ZNF679: variants seen among roughly 807,000 people sequenced by gnomAD.
ZNF679 encodes the protein hypothetical protein MGC42415.
In ZNF679, 10 loss-of-function variants were observed where a neutral mutation model predicts 13.4. That is an observed-to-expected ratio of 0.75 (90% CI 0.46 to 1.27). The LOEUF is 1.27. Ranked by LOEUF, ZNF679 falls within the 50% of genes most tolerant of loss-of-function variation. ZNF679 has a pLI of 0.00. For missense variants in ZNF679, 525 were observed against 477.8 expected, an observed-to-expected ratio of 1.10 and a Z score of -0.92; for synonymous variants, 179 against 162.5, an observed-to-expected ratio of 1.10 and a Z score of -0.77.
intron 1 of ZNF679, among the ~76,000 whole-genome samples, chr7:64,229,687 C>T (rs1787609950): frequency 6.6e-6 from 1 of 151,982 alleles, no homozygotes; most frequent in East Asian, 1.9e-4. Flanking sequence ...AAATGCAGAC[C>T]CTTACCTGTG....
chr7:64,249,371 G>C (rs761794865), intron 2 of ZNF679, among the ~76,000 whole-genome samples: 2 of 152,134 alleles, frequency 1.3e-5, no homozygotes, highest in Non-Finnish European at 2.9e-5. Flanking sequence ...CTTTGCAGTG[G>C]CTTTGCCCTG....
intron 1 of ZNF679, among the ~76,000 whole-genome samples, chr7:64,245,772 C>T (rs1787860799): frequency 6.6e-6 from 1 of 152,070 alleles, no homozygotes; most frequent in Non-Finnish European, 1.5e-5. Context: ...CTCGGGAGGC[C>T]GAGGTGGTGG....
At chr7:64,229,966 A>G (rs1333080826) in intron 1 of ZNF679, among the ~76,000 whole-genome samples, 1 of 152,214 alleles carries the variant, frequency 6.6e-6, no homozygotes, top group Non-Finnish European at 1.5e-5. Flanking sequence ...ATAAGAGGAT[A>G]GTCACATCGC....
At chr7:64,260,374 CTAATATA>C (rs771930577) in intron 3 of ZNF679, 27 bp downstream of exon 3, 4 of 1,577,578 alleles carry the variant, frequency 2.5e-6, no homozygotes, top group Non-Finnish European at 3.4e-6. Flanking sequence ...TACACAATTC[CTAATATA>C]TTTCTTTTCT....
chr7:64,249,744 A>T (rs943378877), intron 2 of ZNF679, among the ~76,000 whole-genome samples: 2 of 152,184 alleles, frequency 1.3e-5, no homozygotes, highest in Admixed American at 6.5e-5. Context: ...TATTTGTAAG[A>T]TCCAGGTGAA....
At chr7:64,240,406 G>A (rs1787782795) in intron 1 of ZNF679, among the ~76,000 whole-genome samples, 1 of 152,128 alleles carries the variant, frequency 6.6e-6, no homozygotes, top group Non-Finnish European at 1.5e-5. Flanking sequence ...TTTTAACTCT[G>A]ATATCTAGGC....
chr7:64,236,921 AGAAG>A (rs1562840168), intron 1 of ZNF679, among the ~76,000 whole-genome samples: 34 of 112,060 alleles, frequency 3.0e-4, no homozygotes, highest in African/African-American at 1.1e-3. Flanking sequence ...AAAGAAAGAA[AGAAG>A]AAAGAAAGAA....
chr7:64,246,102 C>T (rs1787865941), intron 1 of ZNF679, among the ~76,000 whole-genome samples: 1 of 152,196 alleles, frequency 6.6e-6, no homozygotes, highest in Admixed American at 6.5e-5. Context: ...AGGGGCCTCT[C>T]ACCCCCTAAA....
chr7:64,266,583 T>C lies in ZNF679; in HGVS notation c.950T>C (p.Ile317Thr), dbSNP rs768606962. 1 of 1,604,842 alleles carries C rather than the reference T, an allele frequency of 6.2e-7. No homozygotes were observed. The highest frequency in any genetic ancestry group is 8.5e-7 in the Non-Finnish European group (1 of 1,171,954). ...TCATCCCTCACTTACCACAAGAGAATTCATACTGGAGAGAAACCCTACACA... is the reference window on the plus strand; with the variant it reads ...TCATCCCTCACTTACCACAAGAGAACTCATACTGGAGAGAAACCCTACACA... ...LSSSLTYHKR[I>T]HTGEKPYTCE... The change falls in exon 5 of 5, where the codon ATT becomes ACT. Residue 317 changes from isoleucine to threonine, a missense_variant. Physicochemically the swap from Ile to Thr is moderately conservative, Grantham distance 89. Transcript: ENST00000421025.
chr7:64,229,237 T>G (rs2116501334), intron 1 of ZNF679, among the ~76,000 whole-genome samples: 1 of 152,254 alleles, frequency 6.6e-6, no homozygotes, highest in South Asian at 2.1e-4. Flanking sequence ...AATACAAAGT[T>G]GCGTACAGTA....
chr7:64,247,540 A>G (rs1433177115), intron 1 of ZNF679, among the ~76,000 whole-genome samples: 3 of 152,168 alleles, frequency 2.0e-5, no homozygotes, highest in African/African-American at 4.8e-5. Context: ...GTTACAATCA[A>G]TTTCACTTGT....
At chr7:64,250,722 G>T (rs948009942) in intron 2 of ZNF679, among the ~76,000 whole-genome samples, 2 of 151,676 alleles carry the variant, frequency 1.3e-5, no homozygotes, top group African/African-American at 4.8e-5. Flanking sequence ...CCGAATAACT[G>T]GGATTACAGG....
intron 1 of ZNF679, among the ~76,000 whole-genome samples, 182 bp from the exon 2 acceptor site, chr7:64,248,846 A>C (rs1787903072): frequency 6.6e-6 from 1 of 152,006 alleles, no homozygotes; most frequent in East Asian, 1.9e-4. Context: ...CTAGCCTGTT[A>C]TTTTTGCTTT....
Position 64,249,018 on chromosome 7 carries a change from C to T in ZNF679, c.-90-10C>T, listed in dbSNP as rs952232042. The T allele has an allele frequency of 6.4e-6, 10 of 1,559,580 alleles. No individual in the cohort carries two copies. Among genetic ancestry groups the T allele is most frequent in the Non-Finnish European group, 8.7e-6 (10 of 1,144,204 alleles). On this transcript the variant is annotated splice_polypyrimidine_tract_variant and intron_variant, in intron 1 of 4. Coordinates refer to ENST00000421025, the MANE Select transcript of ZNF679 (RefSeq NM_153363.3). The stretch of plus-strand genomic sequence containing the variant: ...AATTTTCCGGGTCCTTTGTGTTTCT[C>T]TGCGTCCAGAGCTCCAGTTCTTCTC...
chr7:64,233,192 C>T (rs4717179), intron 1 of ZNF679, among the ~76,000 whole-genome samples: 10,477 of 150,924 alleles, frequency 0.069, 574 homozygotes, highest in African/African-American at 0.15. Context: ...GAGCCAAGAT[C>T]GCCCCACTGC....
intron 1 of ZNF679, among the ~76,000 whole-genome samples, chr7:64,228,922 G>A (rs1055489488): frequency 3.9e-4 from 60 of 152,148 alleles, no homozygotes; most frequent in African/African-American, 1.4e-3. Flanking sequence ...CCTTATTGTT[G>A]GCTAGGTATG....
intron 1 of ZNF679, among the ~76,000 whole-genome samples, chr7:64,240,873 G>A (rs200093460): frequency 1.3e-5 from 2 of 152,236 alleles, no homozygotes; most frequent in South Asian, 2.1e-4. Context: ...ATCAATGCAC[G>A]AGAGCCCAAA....
At chr7:64,236,145 A>G (rs970059615) in intron 1 of ZNF679, among the ~76,000 whole-genome samples, 1 of 151,876 alleles carries the variant, frequency 6.6e-6, no homozygotes, top group Admixed American at 6.6e-5. Flanking sequence ...CACACCTGTA[A>G]TCCCAGCTAC....
chr7:64,234,463 G>T (rs1290254291), intron 1 of ZNF679, among the ~76,000 whole-genome samples: 1 of 152,126 alleles, frequency 6.6e-6, no homozygotes, highest in Non-Finnish European at 1.5e-5. Flanking sequence ...AATGTGGGGG[G>T]ACATCTACTT....
Sources: allele counts gnomAD v4.1 joint callset (sites outside exome capture counted in the v4.1 genomes callset), GRCh38; gene constraint gnomAD v4.1.1; transcripts MANE v1.5; gene names NCBI Gene and HGNC (gene_info 2026-07-23, HGNC 2026-07-21).